MKS1: variants seen among roughly 807,000 people sequenced by gnomAD.
MKS1 encodes the protein tectonic-like complex member MKS1.
MKS1 carries 70 observed loss-of-function variants against 83.7 expected under a neutral mutation model. The ratio of observed to expected loss-of-function variants is 0.84; its 90% CI spans 0.69 to 1.02. The LOEUF (loss-of-function observed/expected upper bound fraction) is 1.02, where lower values mean the gene tolerates loss of function less well. Ranked by LOEUF, MKS1 falls within the 50% of genes least tolerant of loss-of-function variation. The pLI is 0.00. For synonymous variants in MKS1, 251 were observed against 273.4 expected (o/e 0.92, Z 0.81); for missense variants, 681 against 726.9 (o/e 0.94, Z 0.73).
intron 4 of MKS1, chr17:58,215,529 T>G (rs953240088): frequency 1.2e-5 from 2 of 169,530 alleles, no homozygotes; most frequent in Non-Finnish European, 2.6e-5. Flanking sequence ...TAGACAAAAA[T>G]AAAAAAAATA....
Position 58,215,895 on chromosome 17 carries a change from C to G in MKS1, c.417+193G>C, listed in dbSNP as rs886304523. 7.5e-6 allele frequency: 5 copies of G among 665,072 alleles called. No individual in the cohort carries two copies. In the Admixed American group the frequency reaches 1.1e-4, roughly 15 times the overall value. The allele number at this position is 665,072 out of a possible 1,614,324, so 41.2% of individuals were successfully genotyped here. A position where few individuals can be genotyped will look rare whatever the true frequency, so the allele number is the denominator to read the frequency against. ...GCCCTCTAGCAGGCAGAGAAGGGAG[C>G]AGCAGCCTCACCACCTGTAGACTGT... On this transcript the variant is annotated intron_variant, in intron 4 of 17. Transcript: ENST00000393119.
rs765028851 is a variant in MKS1 at position 58,211,028 on chromosome 17, G to A, written c.916-6C>T. The A allele has an allele frequency of 6.2e-7, 1 of 1,613,876 alleles. No homozygotes were observed. Among genetic ancestry groups the A allele is most frequent in the Non-Finnish European group, 8.5e-7 (1 of 1,179,850 alleles). Reference sequence around the variant, plus strand: ...CGGAGGGCACCTGGGACAGTCTAAGGTGAAGAGAAGTGGGAAAGGATCAGC... The same window carrying A: ...CGGAGGGCACCTGGGACAGTCTAAGATGAAGAGAAGTGGGAAAGGATCAGC... On this transcript the variant is annotated splice_polypyrimidine_tract_variant and splice_region_variant and intron_variant, in intron 9 of 17. Coordinates refer to ENST00000393119, the MANE Select transcript of MKS1 (RefSeq NM_017777.4).
Position 58,210,264 on chromosome 17 carries a change from C to G in MKS1, c.1024+395G>C, listed in dbSNP as rs1024556246. 3.9e-5 allele frequency among the ~76,000 whole-genome samples: 6 copies of G among 152,068 alleles called. 1 individual carries two copies. Among genetic ancestry groups the G allele is most frequent in the Non-Finnish European group, 7.4e-5 (5 of 68,016 alleles). On this transcript the variant is annotated intron_variant, in intron 11 of 17. Transcript: ENST00000393119. The stretch of plus-strand genomic sequence containing the variant: ...CTGAGACGTATTGATGGTATTTAAG[C>G]CATAGGATGGATGACGTTGCCCAGG...
At chr17:58,207,247 A>T (rs370995006) in intron 14 of MKS1, 29 bp from the exon 15 acceptor site, 1 of 1,612,928 alleles carries the variant, frequency 6.2e-7, no homozygotes, top group Non-Finnish European at 8.5e-7. Flanking sequence ...GACTGGGGCC[A>T]GGTCCAGAAA....
chr17:58,215,307 T>A (rs1479526393), intron 4 of MKS1, among the ~76,000 whole-genome samples: 1 of 152,134 alleles, frequency 6.6e-6, no homozygotes, highest in Non-Finnish European at 1.5e-5. Context: ...TCACCCAGGC[T>A]GCAGTGCAGT....
At chr17:58,213,355 C>A (rs1968996867) in intron 7 of MKS1, among the ~76,000 whole-genome samples, 1 of 152,180 alleles carries the variant, frequency 6.6e-6, no homozygotes, top group South Asian at 2.1e-4. Context: ...TCCTGCCACC[C>A]AGTTCTCTCA....
At chr17:58,212,289 G>A in intron 9 of MKS1, 89 bp downstream of exon 9, 3 of 1,438,068 alleles carry the variant, frequency 2.1e-6, no homozygotes, top group African/African-American at 2.8e-5. Flanking sequence ...ATACCTTTGG[G>A]CCTTTAAGAG....
At chr17:58,206,991 G>A (rs1298943059) in intron 15 of MKS1, 94 bp downstream of exon 15, 14 of 1,554,934 alleles carry the variant, frequency 9.0e-6, no homozygotes, top group Non-Finnish European at 1.2e-5. Context: ...CTGAAGCAAT[G>A]CACAACTAAG....
intron 12 of MKS1, 99 bp from the exon 13 acceptor site, chr17:58,208,273 T>A: frequency 8.4e-7 from 1 of 1,185,392 alleles, no homozygotes; most frequent in Non-Finnish European, 1.2e-6. Flanking sequence ...AAAAGAAAAA[T>A]TATCACCCAG....
In MKS1 at chr17:58,213,760, C is replaced by T. The variant is rs781436259; in HGVS notation, c.749+5G>A. The T allele has an allele frequency of 1.9e-6, 3 of 1,609,020 alleles. No homozygotes were observed. The South Asian group carries it at 3.3e-5, about 18-fold the overall frequency. On this transcript the variant is annotated splice_donor_5th_base_variant and intron_variant, in intron 7 of 17. Transcript: ENST00000393119. ...TCTCCACTACCCCTTTCTTCCTCTCCTCACCTGTAGGGTCCTTTGAGGCCC... is the reference window on the plus strand; with the variant it reads ...TCTCCACTACCCCTTTCTTCCTCTCTTCACCTGTAGGGTCCTTTGAGGCCC...
Position 58,213,191 on chromosome 17 carries a change from C to T in MKS1, c.750-101G>A, listed in dbSNP as rs1968987064. 3.6e-6 allele frequency: 4 copies of T among 1,125,804 alleles called. No homozygotes were observed. In the South Asian group the frequency reaches 3.8e-5, roughly 11 times the overall value. The allele number at this position is 1,125,804 out of a possible 1,614,324, so 69.7% of individuals were successfully genotyped here. A position where few individuals can be genotyped will look rare whatever the true frequency, so the allele number is the denominator to read the frequency against. The stretch of plus-strand genomic sequence containing the variant: ...ATGAGCGATCAGGGGCCATACACCT[C>T]ACTAAAGTATATGATGATAAAAGTG... On this transcript the variant is annotated intron_variant, in intron 7 of 17. Coordinates refer to ENST00000393119, the MANE Select transcript of MKS1 (RefSeq NM_017777.4).
rs567026924 is a variant in MKS1, at chr17:58,208,580, C to G, written c.1028G>C (p.Trp343Ser). The G allele has an allele frequency of 6.2e-7, 1 of 1,614,120 alleles. No homozygotes were observed. The highest frequency in any genetic ancestry group is 8.5e-7 in the Non-Finnish European group (1 of 1,180,002). ...GAGCTGCTGGAATGCTGGGCTTGAC[C>G]AGTCTGAAAGCCAAAGACCAAATAT... ...HFFVELPTAH[W>S]SSPAFQQLSG... Residue 343 changes from tryptophan (W) to serine (S), a missense_variant, in exon 12 of 18, where the codon TGG becomes TCG. Transcript: ENST00000393119.
chr17:58,211,703 C>T (rs1424185166), intron 9 of MKS1, among the ~76,000 whole-genome samples: 1 of 150,854 alleles, frequency 6.6e-6, no homozygotes, highest in Non-Finnish European at 1.5e-5. Flanking sequence ...GCTGGGACTA[C>T]AGGTATGTAT....
rs1460971622 is a variant in MKS1, at chr17:58,213,230, C to A, written c.750-140G>T. ...ATGATAAAAGTGGCTGTATTGACGACCAGGAGAGAGAAACAAAAGGGTAAA... is the reference window on the plus strand; with the variant it reads ...ATGATAAAAGTGGCTGTATTGACGAACAGGAGAGAGAAACAAAAGGGTAAA... On this transcript the variant is annotated intron_variant, in intron 7 of 17. Coordinates refer to ENST00000393119, the MANE Select transcript of MKS1 (RefSeq NM_017777.4). 9 of 810,428 alleles carry A rather than the reference C, an allele frequency of 1.1e-5. No individual in the cohort carries two copies. The Admixed American group carries it at 1.8e-4, about 16-fold the overall frequency. 50.2% of individuals were successfully genotyped at this position (810,428 alleles called of 1,614,324 possible).
At chr17:58,213,721 G>C in intron 7 of MKS1, 44 bp downstream of exon 7, 1 of 1,464,780 alleles carries the variant, frequency 6.8e-7, no homozygotes, top group Non-Finnish European at 9.6e-7. Flanking sequence ...TGCAACCAAG[G>C]GAAGGAATGC....
At chr17:58,208,656 TTTTTC>T (rs886072669) in intron 11 of MKS1, 73 bp from the exon 12 acceptor site, 2 of 1,424,342 alleles carry the variant, frequency 1.4e-6, no homozygotes, top group Non-Finnish European at 9.8e-7. Flanking sequence ...GACAGTTTCT[TTTTTC>T]TTTTCTTTTT....
Position 58,206,282 on chromosome 17 carries a change from C to G in MKS1, c.1588+1G>C. The G allele has an allele frequency of 6.2e-7, 1 of 1,614,116 alleles. No individual in the cohort carries two copies. The highest frequency in any genetic ancestry group is 8.5e-7 in the Non-Finnish European group (1 of 1,179,994). On this transcript the variant is annotated splice_donor_variant, in intron 17 of 17. Transcript: ENST00000393119. LOFTEE classifies it high-confidence loss of function. ...GTGGCCAGCTGGGGGAGGGGACATA[C>G]CTAGCACATTGTGAATGGAACTCTG...
chr17:58,214,487 CTGTTT>C, intron 5 of MKS1, 100 bp from the exon 6 acceptor site: 2 of 1,570,850 alleles, frequency 1.3e-6, no homozygotes, highest in South Asian at 2.3e-5. Flanking sequence ...AGTGGACATA[CTGTTT>C]TGTTTTGTTT....
chr17:58,208,021 C>T lies in MKS1; in HGVS notation c.1166-20G>A, dbSNP rs1033351230. ...GTGCATCTGGGAGCAAGGAGAGAAG[C>T]GGCCAGGTCACAGGCGGCCTTCACC... On this transcript the variant is annotated intron_variant, in intron 13 of 17. Transcript: ENST00000393119. 5.0e-6 allele frequency: 8 copies of T among 1,611,980 alleles called. No homozygotes were observed. Among genetic ancestry groups the T allele is most frequent in the Non-Finnish European group, 5.1e-6 (6 of 1,178,162 alleles).
Sources: allele counts gnomAD v4.1 joint callset (sites outside exome capture counted in the v4.1 genomes callset), GRCh38; gene constraint gnomAD v4.1.1; transcripts MANE v1.5; gene names NCBI Gene and HGNC (gene_info 2026-07-23, HGNC 2026-07-21).